FRYL: variants seen among roughly 807,000 people sequenced by gnomAD.
FRYL encodes protein furry homolog-like.
FRYL carries 150 observed loss-of-function variants against 351.2 expected under a neutral mutation model. The ratio of observed to expected loss-of-function variants is 0.43; its 90% CI spans 0.37 to 0.49. The LOEUF is 0.49. Among genes scored for constraint, FRYL ranks in the 20% least tolerant of loss-of-function variants. The pLI is 0.00. For synonymous variants in FRYL, 1,153 were observed against 1,257.1 expected (o/e 0.92, Z 1.75); for missense variants, 3,036 against 3,619.3 (o/e 0.84, Z 4.13).
At chr4:48,562,853 G>T in intron 32 of FRYL, 36 bp downstream of exon 32, 2 of 1,177,440 alleles carry the variant, frequency 1.7e-6, no homozygotes, top group Non-Finnish European at 2.5e-6. Context: ...ATTAAATCCT[G>T]AGTAAAAAAA....
At chr4:48,531,024 T>C in intron 50 of FRYL, 132 bp downstream of exon 50, 3 of 642,590 alleles carry the variant, frequency 4.7e-6, no homozygotes, top group Non-Finnish European at 8.2e-6. Flanking sequence ...CCCCACTTGG[T>C]TGTTCATAAC....
intron 1 of FRYL, among the ~76,000 whole-genome samples, chr4:48,764,171 A>AAAAT (rs774110993): frequency 1.4e-4 from 22 of 152,090 alleles, no homozygotes; most frequent in South Asian, 2.1e-4. Context: ...CTCTATCTCA[A>AAAAT]AAATAAATAA....
chr4:48,774,704 C>T (rs1489550519), intron 1 of FRYL, among the ~76,000 whole-genome samples: 1 of 152,050 alleles, frequency 6.6e-6, no homozygotes, highest in African/African-American at 2.4e-5. Context: ...TGCCACCACA[C>T]CCGGCTAATT....
chr4:48,708,257 C>A (rs1767602732), intron 2 of FRYL, among the ~76,000 whole-genome samples: 1 of 149,374 alleles, frequency 6.7e-6, no homozygotes, highest in Non-Finnish European at 1.5e-5. Context: ...CCAGCCTGGA[C>A]AACAAGAGCG....
chr4:48,607,301 T>C (rs1747053408), intron 9 of FRYL, among the ~76,000 whole-genome samples: 1 of 152,092 alleles, frequency 6.6e-6, no homozygotes, highest in Admixed American at 6.5e-5. Context: ...AAAGTTAAAA[T>C]AACCTCAAAA....
chr4:48,572,863 C>T (rs993139565), intron 26 of FRYL, among the ~76,000 whole-genome samples: 23 of 152,148 alleles, frequency 1.5e-4, no homozygotes, highest in African/African-American at 5.1e-4. Flanking sequence ...AGTTTACGAA[C>T]GCTTTCATGC....
chr4:48,502,774 A>T, intron 61 of FRYL, 54 bp downstream of exon 61: 1 of 1,450,760 alleles, frequency 6.9e-7, no homozygotes, highest in Non-Finnish European at 9.6e-7. Flanking sequence ...GGCAGATGAA[A>T]ACCAGTTTGT....
chr4:48,617,232 T>C (rs1224063310), intron 7 of FRYL, among the ~76,000 whole-genome samples: 3 of 151,938 alleles, frequency 2.0e-5, no homozygotes, highest in Non-Finnish European at 4.4e-5. Flanking sequence ...AAAGATTAGC[T>C]ATCAAGGCCA....
chr4:48,697,365 C>CT (rs1217552037), intron 2 of FRYL, among the ~76,000 whole-genome samples: 4 of 152,026 alleles, frequency 2.6e-5, no homozygotes, highest in African/African-American at 9.7e-5. Flanking sequence ...TGTTTACAAA[C>CT]TTTTTTTACT....
chr4:48,681,968 AC>A (rs1764675423), intron 3 of FRYL, among the ~76,000 whole-genome samples: 1 of 152,148 alleles, frequency 6.6e-6, no homozygotes, highest in Non-Finnish European at 1.5e-5. Context: ...ATAAAGGAAT[AC>A]CTACAAAAGA....
chr4:48,570,304 T>C (rs1415951196), intron 27 of FRYL, among the ~76,000 whole-genome samples: 1 of 152,224 alleles, frequency 6.6e-6, no homozygotes, highest in African/African-American at 2.4e-5. Context: ...CGGCAATATC[T>C]CCAGGTTTCA....
intron 3 of FRYL, among the ~76,000 whole-genome samples, chr4:48,660,756 G>A (rs913070539): frequency 6.6e-6 from 1 of 152,170 alleles, no homozygotes; most frequent in African/African-American, 2.4e-5. Context: ...ATGATGTGAT[G>A]AGAATGGCAC....
Position 48,556,910 on chromosome 4 carries a change from C to A in FRYL, c.4266+68G>T, listed in dbSNP as rs569449591. ...CTCTCCTGGGCAACTGCTGCCCATA[C>A]TCTGACATCACAAGATACTAGTAAA... On this transcript the variant is annotated intron_variant, in intron 35 of 63. Transcript: ENST00000358350. 374 of 1,375,704 alleles carry A rather than the reference C, an allele frequency of 2.7e-4. 1 individual carries two copies. In the Middle Eastern group the frequency reaches 3.5e-3, roughly 13 times the overall value. 85.2% of individuals were successfully genotyped at this position (1,375,704 alleles called of 1,614,324 possible). A position where few individuals can be genotyped will look rare whatever the true frequency, so the allele number is the denominator to read the frequency against.
intron 1 of FRYL, among the ~76,000 whole-genome samples, chr4:48,760,970 C>T (rs1164922794): frequency 6.6e-6 from 1 of 151,366 alleles, no homozygotes; most frequent in East Asian, 1.9e-4. Context: ...GAGCCACCGC[C>T]CCCGGCCACC....
chr4:48,524,180 C>CCTT (rs1725489596), intron 53 of FRYL, among the ~76,000 whole-genome samples: 1 of 137,768 alleles, frequency 7.3e-6, no homozygotes. Context: ...GTTTTCAAAT[C>CCTT]TTTTTTTTTT....
intron 1 of FRYL, among the ~76,000 whole-genome samples, chr4:48,755,878 C>T (rs1268577111): frequency 6.6e-6 from 1 of 151,186 alleles, no homozygotes; most frequent in African/African-American, 2.4e-5. Context: ...TTTATTGCAA[C>T]TTAAGTTTAT....
Position 48,548,807 on chromosome 4 carries a change from G to C in FRYL, c.4785-14C>G, listed in dbSNP as rs749891600. 8 of 1,471,104 alleles carry C rather than the reference G, an allele frequency of 5.4e-6. No individual in the cohort carries two copies. The highest frequency in any genetic ancestry group is 7.5e-6 in the Non-Finnish European group (8 of 1,065,704). 91.1% of individuals were successfully genotyped at this position (1,471,104 alleles called of 1,614,324 possible). On this transcript the variant is annotated splice_polypyrimidine_tract_variant and intron_variant, in intron 39 of 63. Coordinates refer to ENST00000358350, the MANE Select transcript of FRYL (RefSeq NM_015030.2). Reference sequence around the variant, plus strand: ...GCTATGTTACACCTATGACAAATAAGAGTTTCATTAACGTTTTACTAGATC... The same window carrying C: ...GCTATGTTACACCTATGACAAATAACAGTTTCATTAACGTTTTACTAGATC...
intron 1 of FRYL, among the ~76,000 whole-genome samples, chr4:48,746,414 G>A (rs1225325457): frequency 6.6e-6 from 1 of 151,806 alleles, no homozygotes; most frequent in African/African-American, 2.4e-5. Context: ...GCATGGTGGC[G>A]GGTGCCTGTA....
At chr4:48,585,679 T>G (rs1235101627) in intron 19 of FRYL, among the ~76,000 whole-genome samples, 1 of 152,130 alleles carries the variant, frequency 6.6e-6, no homozygotes, top group Non-Finnish European at 1.5e-5. Context: ...CAGAGATGAG[T>G]ATGTGTTTGC....
Sources: allele counts gnomAD v4.1 joint callset (sites outside exome capture counted in the v4.1 genomes callset), GRCh38; gene constraint gnomAD v4.1.1; transcripts MANE v1.5; gene names NCBI Gene and HGNC (gene_info 2026-07-23, HGNC 2026-07-21).